The following CEP44 variants were observed in gnomAD, a reference collection of about 807,000 sequenced individuals.
The protein encoded by CEP44 is centrosomal protein 44, also known as centrosomal protein of 44 kDa.
Under a neutral mutation model 46.7 loss-of-function variants are expected in CEP44, and 45 were observed. That is an observed-to-expected ratio of 0.96 (90% CI 0.76 to 1.24). CEP44 has a LOEUF of 1.24. Among genes scored for constraint, CEP44 ranks in the 50% most tolerant of loss-of-function variants. The pLI, the probability that CEP44 is intolerant of heterozygous loss-of-function variation, is 0.00. For synonymous variants in CEP44, 142 were observed against 146.0 expected, an observed-to-expected ratio of 0.97 and a Z score of 0.20; for missense variants, 475 against 459.7, an observed-to-expected ratio of 1.03 and a Z score of -0.30.
chr4:174,322,396 G>A (rs1742379833), downstream of CEP44, among the ~76,000 whole-genome samples: 1 of 152,014 alleles, frequency 6.6e-6, no homozygotes, highest in South Asian at 2.1e-4. Flanking sequence ...TTGGCTGGTA[G>A]AATTCTACTC....
rs1455961420 is a variant in CEP44, at chr4:174,319,975, A to G, written c.*2592A>G. 6.1e-6 allele frequency: 6 copies of G among 985,148 alleles called. No individual in the cohort carries two copies. Among genetic ancestry groups the G allele is most frequent in the Admixed American group, 6.2e-5 (1 of 16,254 alleles). The allele number at this position is 985,148 out of a possible 1,614,324, so 61.0% of individuals were successfully genotyped here. A position where few individuals can be genotyped will look rare whatever the true frequency, so the allele number is the denominator to read the frequency against. On this transcript the variant is annotated 3_prime_UTR_variant, in exon 12 of 12. Transcript: ENST00000503780. ...AGTTCTGAAGAGATTACCTAGAGCT[A>G]CATAACCCTAAGTTAAGTAAAATTT...
rs1289172322 is a variant in CEP44, at chr4:174,308,726, A to T, written c.545A>T (p.Asp182Val). The part of the protein sequence containing the change: ...AVVIRHLYNE[D>V]NVDISEDTLS... ...GTGATTCGTCACTTGTATAATGAAG[A>T]TAATGTTGACATTTCTGAGGATACA... The change falls in exon 7 of 12, where the codon GAT (aspartate) becomes GTT (valine). Residue 182 changes from aspartate (D) to valine (V), a missense_variant. Transcript: ENST00000503780. 6.2e-7 allele frequency: 1 copy of T among 1,612,414 alleles called. No individual in the cohort carries two copies. Among genetic ancestry groups the T allele is most frequent in the Non-Finnish European group, 8.5e-7 (1 of 1,178,842 alleles).
chr4:174,309,226 C>T lies in CEP44; in HGVS notation c.678+367C>T, dbSNP rs1456755244. Among the ~76,000 whole-genome samples, 1 of 151,988 alleles carries T rather than the reference C, an allele frequency of 6.6e-6. No individual in the cohort carries two copies. The highest frequency in any genetic ancestry group is 1.5e-5 in the Non-Finnish European group (1 of 67,936). On this transcript the variant is annotated intron_variant, in intron 7 of 11. Coordinates refer to ENST00000503780, the MANE Select transcript of CEP44 (RefSeq NM_001040157.3). This position sits in a 1 kb window ranked among gnomAD's most constrained non-coding sequence, Gnocchi z 5.3. ...AAAGATTGGCACTTTATTGCCTATT[C>T]ATTTTCCTTTCTGGGTCCCTGCTGT...
chr4:174,302,402 A>G (rs1237980268), intron 4 of CEP44, among the ~76,000 whole-genome samples: 1 of 152,162 alleles, frequency 6.6e-6, no homozygotes, highest in African/African-American at 2.4e-5. Context: ...AGCAACTGGT[A>G]AATATTTGTT....
chr4:174,292,026 A>G (rs1738293763), intron 1 of CEP44, among the ~76,000 whole-genome samples: 1 of 151,782 alleles, frequency 6.6e-6, no homozygotes, highest in Non-Finnish European at 1.5e-5. Context: ...CCTGAGCTCA[A>G]GCAATCTGCC....
rs1051384982 is a variant in CEP44, at chr4:174,301,440, A to G, written c.90-599A>G. On this transcript the variant is annotated intron_variant, in intron 3 of 11. Transcript: ENST00000503780. This position sits in a 1 kb window ranked among gnomAD's most constrained non-coding sequence, Gnocchi z 4.3. ...CTTGAGATTTGATGAATGATTTGTAAAAAATAAATAATAATTGGATAAGCA... is the reference window on the plus strand; with the variant it reads ...CTTGAGATTTGATGAATGATTTGTAGAAAATAAATAATAATTGGATAAGCA... 7.2e-5 allele frequency among the ~76,000 whole-genome samples: 11 copies of G among 152,150 alleles called. No individual in the cohort carries two copies.
rs111360854 is a variant in CEP44 at position 174,331,385 on chromosome 4, A to G, written c.1087-97A>G. 11 of 1,286,324 alleles carry G rather than the reference A, an allele frequency of 8.6e-6. No individual in the cohort carries two copies. The African/African-American group carries it at 1.5e-4, about 17-fold the overall frequency. The allele number at this position is 1,286,324 out of a possible 1,614,324, so 79.7% of individuals were successfully genotyped here. ...TACCTATTATGGAAGAGGAGGAAAT[A>G]TTAATAGCACTCTGACACTGCTCTA... is the stretch of plus-strand genomic sequence containing the variant. On this transcript the variant is annotated intron_variant, in intron 8 of 8. Coordinates refer to the CEP44 transcript ENST00000426172. The surrounding 1 kb of genome is among the most constrained non-coding windows in gnomAD (Gnocchi z 4.5).
intron 1 of CEP44, among the ~76,000 whole-genome samples, chr4:174,289,252 G>C (rs981723622): frequency 1.3e-5 from 2 of 149,874 alleles, no homozygotes; most frequent in African/African-American, 4.9e-5. Flanking sequence ...TTTGGTATCA[G>C]GGTGATGCAG....
chr4:174,294,197 G>C (rs1201922137), intron 1 of CEP44, among the ~76,000 whole-genome samples: 1 of 151,146 alleles, frequency 6.6e-6, no homozygotes, highest in Non-Finnish European at 1.5e-5. Context: ...GCGGCCTTCC[G>C]CAGTGTTTGT....
At position 174,316,166 on chromosome 4, in the gene CEP44, A is replaced by G. The variant is rs750037429; in HGVS notation, c.962A>G (p.His321Arg). 1 of 1,610,998 alleles carries G rather than the reference A, an allele frequency of 6.2e-7. No individual in the cohort carries two copies. Among genetic ancestry groups the G allele is most frequent in the South Asian group, 1.1e-5 (1 of 89,996 alleles). ...SCSDMDLLNP[H>R]RKSEVERPAS... Reference sequence around the variant, plus strand: ...AATCTAAAACTTAATTTCTTCACAGACAGAAAAAGCGAAGTAGAGAGGCCA... The same window carrying G: ...AATCTAAAACTTAATTTCTTCACAGGCAGAAAAAGCGAAGTAGAGAGGCCA... Residue 321 changes from histidine (H) to arginine (R), a missense_variant and splice_region_variant, in exon 10 of 12, where the codon CAC (histidine) becomes CGC (arginine). His to Arg is a conservative substitution (Grantham distance 29, BLOSUM62 0). Transcript: ENST00000503780.
rs749268927 is a variant in CEP44, at chr4:174,286,179, G to A, written c.-148+2236G>A. Among the ~76,000 whole-genome samples the A allele has an allele frequency of 6.6e-6, 1 of 152,202 alleles. No individual in the cohort carries two copies. Among genetic ancestry groups the A allele is most frequent in the Non-Finnish European group, 1.5e-5 (1 of 68,024 alleles). On this transcript the variant is annotated intron_variant, in intron 1 of 11. Transcript: ENST00000503780. The surrounding 1 kb of genome is among the most constrained non-coding windows in gnomAD (Gnocchi z 5.2). ...AACAGAAAGGTAGGTTCATAAAGAG[G>A]GAGCAGTTGCTCTACCCTGGGGAAA...
chr4:174,288,574 G>A lies in CEP44; in HGVS notation c.-148+4631G>A, dbSNP rs1003264239. ...TTTCACTTAGCATAATGTCCTTCAG[G>A]TTCATCCATGTTGTTGCAAATGGCA... On this transcript the variant is annotated intron_variant, in intron 1 of 11. Coordinates refer to ENST00000503780, the MANE Select transcript of CEP44 (RefSeq NM_001040157.3). This position sits in a 1 kb window ranked among gnomAD's most constrained non-coding sequence, Gnocchi z 4.6. 3.3e-5 allele frequency among the ~76,000 whole-genome samples: 5 copies of A among 151,914 alleles called. No individual in the cohort carries two copies. Among genetic ancestry groups the A allele is most frequent in the African/African-American group, 1.2e-4 (5 of 41,342 alleles).
Position 174,331,358 on chromosome 4 carries a change from A to T in CEP44, c.1087-124A>T, listed in dbSNP as rs1052186860. The T allele has an allele frequency of 1.3e-4, 123 of 948,002 alleles. No homozygotes were observed. The highest frequency in any genetic ancestry group is 1.4e-4 in the Non-Finnish European group (97 of 683,024). 58.7% of individuals were successfully genotyped at this position (948,002 alleles called of 1,614,324 possible). ...GGTCTTCTTTAGGCATTATTTTCAGAGTACCTATTATGGAAGAGGAGGAAA... is the reference window on the plus strand; with the variant it reads ...GGTCTTCTTTAGGCATTATTTTCAGTGTACCTATTATGGAAGAGGAGGAAA... On this transcript the variant is annotated intron_variant, in intron 8 of 8. Coordinates refer to the CEP44 transcript ENST00000426172. The surrounding 1 kb of genome is among the most constrained non-coding windows in gnomAD (Gnocchi z 4.5).
In CEP44 at chr4:174,316,154, A is replaced by G. The variant is rs944474591; in HGVS notation, c.962-12A>G. The G allele has an allele frequency of 5.6e-6, 9 of 1,608,884 alleles. No individual in the cohort carries two copies. The highest frequency in any genetic ancestry group is 7.6e-6 in the Non-Finnish European group (9 of 1,178,902). On this transcript the variant is annotated splice_polypyrimidine_tract_variant and intron_variant, in intron 9 of 11. Transcript: ENST00000503780. ...AAAGGAAAAGGTAATCTAAAACTTA[A>G]TTTCTTCACAGACAGAAAAAGCGAA...
intron 6 of CEP44, among the ~76,000 whole-genome samples, chr4:174,304,857 C>G (rs1408323669): frequency 6.6e-6 from 1 of 152,174 alleles, no homozygotes; most frequent in East Asian, 1.9e-4. Flanking sequence ...TTTTCTCTTT[C>G]TTGAAAGATA....
Position 174,303,726 on chromosome 4 carries a change from T to G in CEP44, c.261T>G (p.Tyr87Ter). The G allele has an allele frequency of 6.5e-7, 1 of 1,543,780 alleles. No homozygotes were observed. Among genetic ancestry groups the G allele is most frequent in the Non-Finnish European group, 8.9e-7 (1 of 1,128,932 alleles). ...VYKLLRDQFN[Y>*]KPILTKKQFI... ...AGCTTCTTCGTGATCAATTTAATTA[T>G]AAACCAATTTTGACAAAAAAGCAGT... Residue 87 changes from tyrosine to a stop codon, truncating the protein, a stop_gained, in exon 5 of 12, where the codon TAT becomes TAG. Transcript: ENST00000503780. LOFTEE classifies it high-confidence loss of function.
At chr4:174,295,635 G>A (rs1436069814) in intron 1 of CEP44, among the ~76,000 whole-genome samples, 1 of 152,030 alleles carries the variant, frequency 6.6e-6, no homozygotes, top group Non-Finnish European at 1.5e-5. Flanking sequence ...GCCAAGGCAG[G>A]CGGCTGGGAG....
downstream of CEP44, among the ~76,000 whole-genome samples, chr4:174,322,371 A>T (rs2126691115): frequency 6.6e-6 from 1 of 151,994 alleles, no homozygotes; most frequent in East Asian, 1.9e-4. Flanking sequence ...TTCATTTCCT[A>T]TCCTCTGCAC....
At chr4:174,293,094 G>A (rs1332019747) in intron 1 of CEP44, among the ~76,000 whole-genome samples, 2 of 152,188 alleles carry the variant, frequency 1.3e-5, no homozygotes, top group Admixed American at 6.5e-5. Flanking sequence ...GTGGAGCCAG[G>A]TTGTGGGTCT....
Sources: gnomAD v4.1 joint callset for allele counts (sites outside exome capture counted in the v4.1 genomes callset) on GRCh38, gnomAD v4.1.1 for gene constraint, Gnocchi (gnomAD v3.1) non-coding constraint, MANE v1.5 for transcripts, NCBI Gene and HGNC (gene_info 2026-07-23, HGNC 2026-07-21) for gene names.